The following INTS6 variants were observed in gnomAD, a reference collection of about 807,000 sequenced individuals.
INTS6 encodes integrator complex subunit 6, also known as DEAD box protein.
A neutral mutation model predicts 104.9 loss-of-function variants in INTS6; 16 were observed. That is an observed-to-expected ratio of 0.15 (90% CI 0.10 to 0.23). The LOEUF is 0.23. Ranked by LOEUF, INTS6 falls within the 10% of genes least tolerant of loss-of-function variation. The pLI is 1.00. For missense variants in INTS6, 584 were observed against 1,062.8 expected, an observed-to-expected ratio of 0.55 and a Z score of 6.26; for synonymous variants, 324 against 358.7, an observed-to-expected ratio of 0.90 and a Z score of 1.09.
chr13:51,406,385 T>A (rs1956566382), intron 4 of INTS6, among the ~76,000 whole-genome samples: 2 of 150,588 alleles, frequency 1.3e-5, no homozygotes, highest in Non-Finnish European at 2.9e-5. Context: ...CCTCTTCCAA[T>A]ATTCCCTAAC....
intron 5 of INTS6, among the ~76,000 whole-genome samples, chr13:51,394,405 T>G (rs1017620845): frequency 2.0e-5 from 3 of 152,194 alleles, no homozygotes; most frequent in Non-Finnish European, 2.9e-5. Context: ...CCATAGAATT[T>G]TAGAAAAAAT....
chr13:51,350,630 T>TA (rs1370531736), downstream of INTS6, among the ~76,000 whole-genome samples: 1 of 152,156 alleles, frequency 6.6e-6, no homozygotes. Context: ...GTTTCTTTTT[T>TA]AAAAAATCAA....
rs779045703 is a variant in INTS6, at chr13:51,378,463, A to C, written c.1387-9T>G. 3.8e-6 allele frequency: 6 copies of C among 1,579,006 alleles called. No individual in the cohort carries two copies. The South Asian group carries it at 5.6e-5, about 15-fold the overall frequency. ...TCAGATTCTATTTTGGCCTAAAGTAAAAATAAGTCAGAATTATCTTGATAA... is the reference window on the plus strand; with the variant it reads ...TCAGATTCTATTTTGGCCTAAAGTACAAATAAGTCAGAATTATCTTGATAA... On this transcript the variant is annotated splice_polypyrimidine_tract_variant and intron_variant, in intron 11 of 17. Transcript: ENST00000311234.
At chr13:51,420,227 T>C (rs1956869350) in intron 4 of INTS6, among the ~76,000 whole-genome samples, 1 of 139,228 alleles carries the variant, frequency 7.2e-6, no homozygotes, top group South Asian at 2.2e-4. Context: ...AACATAATAA[T>C]ATTAATGCAG....
chr13:51,410,654 A>G (rs911940979), intron 4 of INTS6, among the ~76,000 whole-genome samples: 1 of 152,188 alleles, frequency 6.6e-6, no homozygotes, highest in African/African-American at 2.4e-5. Context: ...CTAGGAAAAG[A>G]TCTCTTAAAT....
chr13:51,421,562 T>C (rs1956896301), intron 4 of INTS6, among the ~76,000 whole-genome samples: 1 of 152,138 alleles, frequency 6.6e-6, no homozygotes, highest in East Asian at 1.9e-4. Flanking sequence ...TCTACAGTAT[T>C]ACATCTGAAA....
intron 10 of INTS6, among the ~76,000 whole-genome samples, chr13:51,380,655 G>T (rs1404506109): frequency 6.6e-6 from 1 of 152,136 alleles, no homozygotes; most frequent in Non-Finnish European, 1.5e-5. Context: ...GGATGATTTA[G>T]AAAGATTATT....
At chr13:51,361,058 A>C (rs1955566199), downstream of INTS6, among the ~76,000 whole-genome samples, 1 of 152,094 alleles carries the variant, frequency 6.6e-6, no homozygotes, top group Non-Finnish European at 1.5e-5. Context: ...TATATATAAC[A>C]AATTAAAGTT....
At chr13:51,354,895 T>C (rs1955456113) in intron 3 of INTS6, 1 of 610,364 alleles carries the variant, frequency 1.6e-6, no homozygotes, top group African/African-American at 1.9e-5. Flanking sequence ...TTAGGGCTTA[T>C]GGGAAGGCGC....
At chr13:51,389,210 A>ATT in intron 6 of INTS6, 109 bp downstream of exon 6, 1 of 1,088,118 alleles carries the variant, frequency 9.2e-7, no homozygotes, top group Non-Finnish European at 1.3e-6. Context: ...TTTCTGTCTT[A>ATT]ATAATTTGGC....
At chr13:51,434,388 G>A (rs9563054) in intron 3 of INTS6, among the ~76,000 whole-genome samples, 3,473 of 152,042 alleles carry the variant, frequency 0.023, 54 homozygotes, top group South Asian at 0.057. Flanking sequence ...GTTCTTTAGT[G>A]ACTTTAAATT....
At chr13:51,450,632 C>T (rs1215530935) in intron 3 of INTS6, 3 of 987,230 alleles carry the variant, frequency 3.0e-6, no homozygotes, top group Non-Finnish European at 3.6e-6. Flanking sequence ...TTAATTTCCT[C>T]TAACATCTTT....
At chr13:51,379,206 T>A (rs1432179806) in intron 11 of INTS6, among the ~76,000 whole-genome samples, 1 of 151,900 alleles carries the variant, frequency 6.6e-6, no homozygotes, top group African/African-American at 2.4e-5. Context: ...AATGTTCACA[T>A]ATAGCAAGTC....
Position 51,369,114 on chromosome 13 carries a change from A to C in INTS6, c.2301T>G (p.Val767=). Residue 767 remains valine (V), a synonymous_variant, in exon 16 of 18, where the codon GTT becomes GTG. Coordinates refer to ENST00000311234, the MANE Select transcript of INTS6 (RefSeq NM_012141.3). ...CCTCATGATTTTCTAAAAATCCACC[A>C]ACAGTGAGGTCATTGGTTCCTAAAT... The part of the protein sequence containing the change: ...HDHLGTNDLT[V]GGFLENHEEP... 1 of 1,613,858 alleles carries C rather than the reference A, an allele frequency of 6.2e-7. No individual in the cohort carries two copies. The highest frequency in any genetic ancestry group is 1.1e-5 in the South Asian group (1 of 91,084).
At chr13:51,417,885 A>G (rs1366276826) in intron 4 of INTS6, among the ~76,000 whole-genome samples, 1 of 152,240 alleles carries the variant, frequency 6.6e-6, no homozygotes, top group Non-Finnish European at 1.5e-5. Flanking sequence ...CTTATGCAGT[A>G]CAATACTGTT....
Position 51,400,457 on chromosome 13 carries a change from C to G in INTS6, c.430-4974G>C, listed in dbSNP as rs1956416365. On this transcript the variant is annotated intron_variant, in intron 4 of 17. Coordinates refer to ENST00000311234, the MANE Select transcript of INTS6 (RefSeq NM_012141.3). ...TATTATTTTCCCACTTAAAATCAAA[C>G]CTGAAATACATCTGAAATTGAGTTT... 3.3e-5 allele frequency among the ~76,000 whole-genome samples: 5 copies of G among 152,158 alleles called. No homozygotes were observed. The South Asian group carries it at 1.0e-3, about 31-fold the overall frequency.
intron 4 of INTS6, chr13:51,423,152 C>A (rs1381942716): frequency 8.5e-6 from 6 of 707,270 alleles, no homozygotes; most frequent in Non-Finnish European, 1.2e-5. Context: ...TTATACACAG[C>A]CAAAGTAACT....
chr13:51,361,572 G>T (rs1466457488), downstream of INTS6: 3 of 585,886 alleles, frequency 5.1e-6, no homozygotes, highest in African/African-American at 5.6e-5. Context: ...AAATAATTCT[G>T]AAAGTTACCT....
chr13:51,391,523 G>A lies in INTS6; in HGVS notation c.614-2079C>T, dbSNP rs548956529. ...CTATATCCTCCGTAATGTTCCTCATGTGTACTTATTGTCTATGTCAAAACT... is the reference window on the plus strand; with the variant it reads ...CTATATCCTCCGTAATGTTCCTCATATGTACTTATTGTCTATGTCAAAACT... On this transcript the variant is annotated intron_variant, in intron 5 of 17. Coordinates refer to ENST00000311234, the MANE Select transcript of INTS6 (RefSeq NM_012141.3). Among the ~76,000 whole-genome samples the A allele has an allele frequency of 8.5e-5, 13 of 152,238 alleles. No homozygotes were observed. The East Asian group carries it at 2.3e-3, about 27-fold the overall frequency.
Sources: gnomAD v4.1 joint callset for allele counts (sites outside exome capture counted in the v4.1 genomes callset) on GRCh38, gnomAD v4.1.1 for gene constraint, MANE v1.5 for transcripts, NCBI Gene and HGNC (gene_info 2026-07-23, HGNC 2026-07-21) for gene names.